FBXO34: variants seen among roughly 807,000 people sequenced by gnomAD.
FBXO34 encodes the protein F-box only protein 34.
FBXO34 carries 12 observed loss-of-function variants against 24.5 expected under a neutral mutation model. That is an observed-to-expected ratio of 0.49 (90% CI 0.31 to 0.79). The LOEUF (loss-of-function observed/expected upper bound fraction) is 0.79. Ranked by LOEUF, FBXO34 falls within the 30% of genes least tolerant of loss-of-function variation. The pLI is 0.04. For missense variants in FBXO34, 823 were observed against 857.7 expected (o/e 0.96, Z 0.51); for synonymous variants, 320 against 311.9 (o/e 1.03, Z -0.27).
chr14:55,345,694 G>A (rs1394096067), intron 1 of FBXO34, among the ~76,000 whole-genome samples: 1 of 152,142 alleles, frequency 6.6e-6, no homozygotes, highest in African/African-American at 2.4e-5. Flanking sequence ...AGAGCGGTTA[G>A]GACATTTCTG....
the FBXO34 span, among the ~76,000 whole-genome samples, chr14:55,383,590 A>AC: frequency 4.5e-4 from 68 of 151,714 alleles, no homozygotes; most frequent in Non-Finnish European, 8.5e-4. Flanking sequence ...AACAACAACA[A>AC]AAAAAACCCC....
chr14:55,375,490 A>AT, the FBXO34 span, among the ~76,000 whole-genome samples: 9,415 of 117,150 alleles, frequency 0.08, 993 homozygotes, highest in African/African-American at 0.24. Context: ...GCCGGGCTAA[A>AT]TTTTTTTTTT....
intron 1 of FBXO34, chr14:55,298,593 C>T (rs1882222287): frequency 6.7e-6 from 6 of 893,756 alleles, no homozygotes; most frequent in Non-Finnish European, 1.0e-5. Context: ...CGGAGGAGGG[C>T]GGGCGCCGGA....
chr14:55,414,165 G>T, the FBXO34 span: 1 of 515,124 alleles, frequency 1.9e-6, no homozygotes, highest in Non-Finnish European at 3.5e-6. Context: ...CTCAAATTTT[G>T]AAATGTTTAC....
At chr14:55,303,723 A>G (rs577150661) in intron 1 of FBXO34, among the ~76,000 whole-genome samples, 5 of 152,026 alleles carry the variant, frequency 3.3e-5, no homozygotes, top group African/African-American at 9.6e-5. Context: ...CTTAATAAAA[A>G]TAGTAACTTT....
chr14:55,273,584 C>T (rs1189367278), intron 1 of FBXO34, among the ~76,000 whole-genome samples: 1 of 152,106 alleles, frequency 6.6e-6, no homozygotes, highest in Non-Finnish European at 1.5e-5. Flanking sequence ...ATGAAAGATA[C>T]ACATTTGAGC....
chr14:55,435,722 C>T, the FBXO34 span: 1 of 673,050 alleles, frequency 1.5e-6, no homozygotes, highest in Admixed American at 3.6e-5. Flanking sequence ...CCCTGAGTTG[C>T]CAAAAGCTTT....
chr14:55,308,412 A>T (rs754785123), intron 1 of FBXO34, among the ~76,000 whole-genome samples: 2 of 152,224 alleles, frequency 1.3e-5, no homozygotes, highest in Non-Finnish European at 2.9e-5. Context: ...TTTCTCATGT[A>T]ATTTATTAAC....
chr14:55,315,998 T>G (rs1882914358), intron 1 of FBXO34, among the ~76,000 whole-genome samples: 1 of 152,164 alleles, frequency 6.6e-6, no homozygotes, highest in Non-Finnish European at 1.5e-5. Flanking sequence ...TCTTCCAATG[T>G]TTTTCTCCTT....
At chr14:55,413,926 A>G in the FBXO34 span, 2 of 470,376 alleles carry the variant, frequency 4.3e-6, no homozygotes, top group South Asian at 3.3e-5. Flanking sequence ...AAAAGCAGCC[A>G]TTCCCTTGAT....
chr14:55,400,651 G>A, the FBXO34 span, among the ~76,000 whole-genome samples: 2 of 151,898 alleles, frequency 1.3e-5, no homozygotes, highest in South Asian at 4.1e-4. Flanking sequence ...ACCTGTAATC[G>A]CAGCACTTTG....
downstream of FBXO34, among the ~76,000 whole-genome samples, chr14:55,373,728 G>A (rs569863075): frequency 1.3e-5 from 2 of 151,868 alleles, no homozygotes; most frequent in East Asian, 1.9e-4. Context: ...CAAAGTGCTG[G>A]GATTACAGGT....
At chr14:55,372,460 A>C (rs1884840261), downstream of FBXO34, among the ~76,000 whole-genome samples, 1 of 152,098 alleles carries the variant, frequency 6.6e-6, no homozygotes, top group Non-Finnish European at 1.5e-5. Context: ...CTCAGAACTG[A>C]CTGCCAGGCT....
At chr14:55,295,822 A>G (rs1237003052) in intron 1 of FBXO34, among the ~76,000 whole-genome samples, 1 of 152,272 alleles carries the variant, frequency 6.6e-6, no homozygotes, top group Non-Finnish European at 1.5e-5. Flanking sequence ...TTCACTACAC[A>G]AAACACTTTC....
rs1450676333 is a variant in FBXO34 at position 55,351,459 on chromosome 14, CGTT to C, written c.1073_1075del (p.Cys358del). On this transcript the variant is annotated inframe_deletion, in exon 2 of 2. Coordinates refer to ENST00000313833, the MANE Select transcript of FBXO34 (RefSeq NM_017943.4). ...GGATTGTGGCCCTTCAAGAGCTGAT[CGTT>C]GTTCTCCTAAGGAGGACCAGGCCTG... is the stretch of plus-strand genomic sequence containing the variant. The C allele has an allele frequency of 6.2e-7, 1 of 1,614,008 alleles. No homozygotes were observed. The highest frequency in any genetic ancestry group is 1.3e-5 in the African/African-American group (1 of 74,904).
intron 1 of FBXO34, among the ~76,000 whole-genome samples, chr14:55,286,477 A>C (rs1216602449): frequency 6.6e-6 from 1 of 152,084 alleles, no homozygotes; most frequent in Non-Finnish European, 1.5e-5. Context: ...ACTCCTGCTC[A>C]GTTTACTTAC....
chr14:55,440,700 G>A, the FBXO34 span: 2 of 819,886 alleles, frequency 2.4e-6, no homozygotes, highest in Non-Finnish European at 3.6e-6. Flanking sequence ...GGGGTGGGCC[G>A]GAGAGGGGCG....
the FBXO34 span, chr14:55,440,686 G>A: frequency 2.0e-6 from 2 of 986,738 alleles, no homozygotes; most frequent in African/African-American, 1.7e-5. Flanking sequence ...GCGGAGATGG[G>A]CTAGGGGTGG....
At chr14:55,393,802 G>A in the FBXO34 span, among the ~76,000 whole-genome samples, 1 of 151,842 alleles carries the variant, frequency 6.6e-6, no homozygotes, top group East Asian at 1.9e-4. Flanking sequence ...ATCCACCTCG[G>A]ACTCCCAAAG....
Sources: gnomAD v4.1 joint callset for allele counts (sites outside exome capture counted in the v4.1 genomes callset) on GRCh38, gnomAD v4.1.1 for gene constraint, MANE v1.5 for transcripts, NCBI Gene and HGNC (gene_info 2026-07-23, HGNC 2026-07-21) for gene names.